The following NT5E variants were observed in gnomAD, a reference collection of about 807,000 sequenced individuals.
NT5E encodes the protein 5'-nucleotidase.
Under a neutral mutation model 55.1 loss-of-function variants are expected in NT5E, and 53 were observed. That is an observed-to-expected ratio of 0.96 (90% CI 0.77 to 1.21). NT5E has a LOEUF of 1.21. Among genes scored for constraint, NT5E ranks in the 50% most tolerant of loss-of-function variants. NT5E has a pLI of 0.00. For missense variants in NT5E, 683 were observed against 724.3 expected, an observed-to-expected ratio of 0.94 and a Z score of 0.65; for synonymous variants, 270 against 278.4, an observed-to-expected ratio of 0.97 and a Z score of 0.30.
intron 6 of NT5E, 25 bp downstream of exon 6, chr6:85,489,624 AGT>A (rs756782095): frequency 1.3e-6 from 2 of 1,510,894 alleles, no homozygotes; most frequent in African/African-American, 2.8e-5. Context: ...CCAGCTCCTC[AGT>A]GTGTCATGTT....
chr6:85,487,216 C>A (rs1278703796), intron 4 of NT5E, 119 bp from the exon 5 acceptor site: 3 of 1,009,072 alleles, frequency 3.0e-6, no homozygotes, highest in African/African-American at 1.6e-5. Context: ...AAAATGCACA[C>A]AAATATGGTA....
chr6:85,458,326 A>T (rs138348541), intron 1 of NT5E, among the ~76,000 whole-genome samples: 1 of 152,344 alleles, frequency 6.6e-6, no homozygotes, highest in East Asian at 1.9e-4. Flanking sequence ...CAGAGACAGG[A>T]ACAGCACCAC....
rs1000653286 is a variant in NT5E at position 85,494,886 on chromosome 6, A to G, written c.*882A>G. ...AAAGCAAGAGCTAAAGAGCATTTACACATGTTAAACAGATACTTGTTAAGC... is the reference window on the plus strand; with the variant it reads ...AAAGCAAGAGCTAAAGAGCATTTACGCATGTTAAACAGATACTTGTTAAGC... On this transcript the variant is annotated 3_prime_UTR_variant, in exon 9 of 9. Transcript: ENST00000257770. The G allele has an allele frequency of 2.0e-5, 3 of 152,242 alleles. No individual in the cohort carries two copies. The highest frequency in any genetic ancestry group is 4.4e-5 in the Non-Finnish European group (3 of 68,048). 9.4% of individuals were successfully genotyped at this position (152,242 alleles called of 1,614,324 possible). A position where few individuals can be genotyped will look rare whatever the true frequency, so the allele number is the denominator to read the frequency against.
chr6:85,495,629 A>G lies in NT5E; in HGVS notation c.*1625A>G. The G allele has an allele frequency of 6.6e-6, 1 of 152,216 alleles. No homozygotes were observed. The highest frequency in any genetic ancestry group is 1.9e-4 in the East Asian group (1 of 5,196). 9.4% of individuals were successfully genotyped at this position (152,216 alleles called of 1,614,324 possible). ...GTCACATTTAGGGTTTATTTTTTAC[A>G]CTTGGCCAGTAAAATAGGGTAAATC... On this transcript the variant is annotated 3_prime_UTR_variant, in exon 9 of 9. Transcript: ENST00000257770.
intron 7 of NT5E, chr6:85,490,923 G>A: frequency 1.1e-5 from 6 of 560,956 alleles, no homozygotes; most frequent in Non-Finnish European, 2.0e-5. Flanking sequence ...CCTCTAAGCA[G>A]GTCACCTGCT....
At chr6:85,460,731 T>C (rs1562136454) in intron 1 of NT5E, among the ~76,000 whole-genome samples, 2 of 152,140 alleles carry the variant, frequency 1.3e-5, no homozygotes, top group African/African-American at 4.8e-5. Context: ...GCCGTTGGTA[T>C]TGAGAAAATG....
chr6:85,486,963 G>A (rs1446864443), intron 4 of NT5E, among the ~76,000 whole-genome samples: 2 of 152,144 alleles, frequency 1.3e-5, no homozygotes, highest in Non-Finnish European at 2.9e-5. Flanking sequence ...GATGGGAAAG[G>A]GGCCCAGGAC....
chr6:85,493,791 G>T, intron 8 of NT5E, 50 bp from the exon 9 acceptor site: 2 of 1,507,478 alleles, frequency 1.3e-6, no homozygotes, highest in Non-Finnish European at 9.2e-7. Flanking sequence ...CCTTACTGTT[G>T]ATTGATAATT....
In NT5E at chr6:85,467,143, T is replaced by A; in HGVS notation, c.423T>A (p.Ser141Arg). 6.2e-7 allele frequency: 1 copy of A among 1,614,130 alleles called. No individual in the cohort carries two copies. Among genetic ancestry groups the A allele is most frequent in the South Asian group, 1.1e-5 (1 of 91,080 alleles). The change falls in exon 2 of 9, where the codon AGT becomes AGA. Residue 141 changes from serine (S) to arginine (R), a missense_variant. Transcript: ENST00000257770. ...AAGAGGCCAAATTTCCAATTCTGAGTGCAAACATTAAAGCAAAGGGGCCAC... is the reference window on the plus strand; with the variant it reads ...AAGAGGCCAAATTTCCAATTCTGAGAGCAAACATTAAAGCAAAGGGGCCAC... ...LLKEAKFPIL[S>R]ANIKAKGPLA...
At chr6:85,481,749 T>C (rs911142993) in intron 3 of NT5E, among the ~76,000 whole-genome samples, 7 of 152,174 alleles carry the variant, frequency 4.6e-5, no homozygotes, top group African/African-American at 1.7e-4. Context: ...AAGGGCCACA[T>C]CATGTGGGTC....
chr6:85,452,028 C>A (rs1768870477), intron 1 of NT5E, among the ~76,000 whole-genome samples: 2 of 152,190 alleles, frequency 1.3e-5, no homozygotes, highest in Non-Finnish European at 2.9e-5. Flanking sequence ...GGGGCTCACA[C>A]ACATCTGGAT....
At position 85,471,394 on chromosome 6, in the gene NT5E, G is replaced by T. The variant is rs1325021085; in HGVS notation, c.720G>T (p.Val240=). The change falls in exon 3 of 9, where the codon GTG becomes GTT. Residue 240 remains valine (V), a synonymous_variant. Transcript: ENST00000257770. ...AAGTGAGGGGTGTGGACGTCGTGGTGGGAGGACACTCCAACACATTTCTTT... is the reference window on the plus strand; with the variant it reads ...AAGTGAGGGGTGTGGACGTCGTGGTTGGAGGACACTCCAACACATTTCTTT... ...AQKVRGVDVV[V]GGHSNTFLYT... 1 of 1,612,910 alleles carries T rather than the reference G, an allele frequency of 6.2e-7. No individual in the cohort carries two copies. The highest frequency in any genetic ancestry group is 1.7e-5 in the Admixed American group (1 of 59,970).
At chr6:85,469,211 A>G (rs1769255651) in intron 2 of NT5E, among the ~76,000 whole-genome samples, 1 of 152,206 alleles carries the variant, frequency 6.6e-6, no homozygotes, top group African/African-American at 2.4e-5. Context: ...CTTTGTATAT[A>G]TGGGATGCCT....
chr6:85,475,762 G>C (rs1342845609), intron 3 of NT5E, among the ~76,000 whole-genome samples: 5 of 152,070 alleles, frequency 3.3e-5, no homozygotes, highest in Non-Finnish European at 5.9e-5. Flanking sequence ...AAATCAATCT[G>C]GCTAGCTATG....
chr6:85,452,807 C>T (rs893459471), intron 1 of NT5E, among the ~76,000 whole-genome samples: 2 of 152,162 alleles, frequency 1.3e-5, no homozygotes, highest in Non-Finnish European at 2.9e-5. Context: ...GTGGTATAAA[C>T]GTTCCTCCAC....
chr6:85,450,253 C>T lies in NT5E; in HGVS notation c.114C>T (p.His38=). 1 of 1,609,724 alleles carries T rather than the reference C, an allele frequency of 6.2e-7. No homozygotes were observed. Among genetic ancestry groups the T allele is most frequent in the Non-Finnish European group, 8.5e-7 (1 of 1,178,962 alleles). Residue 38 remains histidine, a synonymous_variant, in exon 1 of 9, where the codon CAC becomes CAT. Transcript: ENST00000257770. This position sits in a 1 kb window ranked among gnomAD's most constrained non-coding sequence, Gnocchi z 4.0. ...CGATTTTGCACACCAACGACGTGCA[C>T]AGCCGGCTGGAGCAGACCAGCGAGG... ...ELTILHTNDV[H]SRLEQTSEDS... is the part of the protein sequence containing the mutation.
intron 3 of NT5E, among the ~76,000 whole-genome samples, chr6:85,480,624 G>C (rs754518873): frequency 6.6e-6 from 1 of 152,206 alleles, no homozygotes; most frequent in Non-Finnish European, 1.5e-5. Context: ...AGCAGTTTCT[G>C]TGCTGTGCTC....
In NT5E at chr6:85,485,432, G is replaced by GGTA; in HGVS notation, c.949+1_949+3dup. On this transcript the variant is annotated protein_altering_variant and splice_region_variant. Transcript: ENST00000257770. The stretch of plus-strand genomic sequence containing the variant: ...TCTTCTAAACAGCAGCATTCCTGAA[G>GGTA]GTAAGTGAAGTTCAGGGGAATGTTC... The GGTA allele has an allele frequency of 6.2e-7, 1 of 1,613,858 alleles. No individual in the cohort carries two copies. The highest frequency in any genetic ancestry group is 8.5e-7 in the Non-Finnish European group (1 of 1,179,706).
chr6:85,465,928 C>T (rs1236736115), intron 1 of NT5E, among the ~76,000 whole-genome samples: 3 of 152,232 alleles, frequency 2.0e-5, no homozygotes, highest in Non-Finnish European at 4.4e-5. Flanking sequence ...GTACTTCATG[C>T]CTGTTCCTAG....
Sources: allele counts gnomAD v4.1 joint callset (sites outside exome capture counted in the v4.1 genomes callset), GRCh38; gene constraint gnomAD v4.1.1; non-coding constraint Gnocchi (gnomAD v3.1); transcripts MANE v1.5; gene names NCBI Gene and HGNC (gene_info 2026-07-23, HGNC 2026-07-21).